OLFM1: variants seen among roughly 807,000 people sequenced by gnomAD.
OLFM1 encodes the protein olfactomedin 1, also known as noelin.
OLFM1 carries 9 observed loss-of-function variants against 49.7 expected under a neutral mutation model. That is an observed-to-expected ratio of 0.18 (90% confidence interval 0.11 to 0.32). OLFM1 has a LOEUF of 0.32. OLFM1 is among the 10% of genes least tolerant of loss of function. The pLI is 1.00. For missense variants in OLFM1, 369 were observed against 661.8 expected, an observed-to-expected ratio of 0.56 and a Z score of 4.85; for synonymous variants, 240 against 271.8, an observed-to-expected ratio of 0.88 and a Z score of 1.15.
chr9:135,082,959 A>G (rs1359307044), upstream of OLFM1, among the ~76,000 whole-genome samples: 1 of 152,180 alleles, frequency 6.6e-6, no homozygotes, highest in Non-Finnish European at 1.5e-5. Flanking sequence ...GGCAGCACCA[A>G]ATCCTTGGCT....
In OLFM1 at chr9:135,095,830, G is replaced by A. The variant is rs375215208; in HGVS notation, c.301-34G>A. ...GAGAAGATTGCCTGGCACCTACTGC[G>A]GCTGTTTTGCTGAACCTGTTGCCCT... On this transcript the variant is annotated intron_variant, in intron 2 of 5. Transcript: ENST00000371793. 250 of 1,608,380 alleles carry A rather than the reference G, an allele frequency of 1.6e-4. 1 individual carries two copies. In the African/African-American group the frequency reaches 2.8e-3, roughly 18 times the overall value.
chr9:135,084,104 T>G (rs1830565577), upstream of OLFM1, among the ~76,000 whole-genome samples: 1 of 152,244 alleles, frequency 6.6e-6, no homozygotes, highest in South Asian at 2.1e-4. The surrounding 1 kb of genome is among the most constrained non-coding windows in gnomAD (Gnocchi z 4.6). Context: ...CATGCTGGTC[T>G]TCTGTGGCTG....
intron 5 of OLFM1, among the ~76,000 whole-genome samples, chr9:135,119,087 A>G (rs1279875909): frequency 1.3e-5 from 2 of 149,348 alleles, no homozygotes; most frequent in Non-Finnish European, 3.0e-5. Flanking sequence ...GGGTCTTTGG[A>G]GTGCTCACCG....
intron 4 of OLFM1, among the ~76,000 whole-genome samples, chr9:135,102,440 A>G (rs1227503777): frequency 1.3e-5 from 2 of 152,170 alleles, no homozygotes; most frequent in South Asian, 4.1e-4. Context: ...GAGGAAATAA[A>G]CCAAAATCTA....
rs767276122 is a variant in OLFM1, at chr9:135,090,182, C to T, written c.151-13C>T. On this transcript the variant is annotated splice_polypyrimidine_tract_variant and intron_variant, in intron 1 of 5. Coordinates refer to ENST00000371793, the MANE Select transcript of OLFM1 (RefSeq NM_001282611.2). ...TCTCCTTCCCTCTCCCTTCCCGCCCCGCCCCTCTCCAGGTGCTGCCCACCA... is the reference window on the plus strand; with the variant it reads ...TCTCCTTCCCTCTCCCTTCCCGCCCTGCCCCTCTCCAGGTGCTGCCCACCA... 5 of 1,600,088 alleles carry T rather than the reference C, an allele frequency of 3.1e-6. No individual in the cohort carries two copies. The African/African-American group carries it at 4.0e-5, about 13-fold the overall frequency.
At chr9:135,083,317 CT>C (rs1156803395), upstream of OLFM1, among the ~76,000 whole-genome samples, 1 of 152,174 alleles carries the variant, frequency 6.6e-6, no homozygotes, top group African/African-American at 2.4e-5. Context: ...CTTGGCCTGG[CT>C]GTGGCCAGGC....
chr9:135,078,519 C>T (rs1352383283), intron 1 of OLFM1, among the ~76,000 whole-genome samples: 1 of 152,208 alleles, frequency 6.6e-6, no homozygotes, highest in African/African-American at 2.4e-5. Flanking sequence ...GCCTACGACA[C>T]GCAAGGCTGT....
In OLFM1 at chr9:135,087,711, G is replaced by A. The variant is rs1814642634; in HGVS notation, c.-279G>A. On this transcript the variant is annotated 5_prime_UTR_variant, in exon 1 of 6. Transcript: ENST00000371793. ...CCGGTGGCGGCGGAGGAGCCCGGAGGGACGCAGCCGGGCAAGGCAGGGCGC... is the reference window on the plus strand; with the variant it reads ...CCGGTGGCGGCGGAGGAGCCCGGAGAGACGCAGCCGGGCAAGGCAGGGCGC... 2 of 387,012 alleles carry A rather than the reference G, an allele frequency of 5.2e-6. No homozygotes were observed. Among genetic ancestry groups the A allele is most frequent in the South Asian group, 1.0e-4 (1 of 9,822 alleles). The allele number at this position is 387,012 out of a possible 1,614,324, so 24.0% of individuals were successfully genotyped here. A position where few individuals can be genotyped will look rare whatever the true frequency, so the allele number is the denominator to read the frequency against.
intron 5 of OLFM1, among the ~76,000 whole-genome samples, chr9:135,111,289 T>C (rs1831018718): frequency 6.6e-6 from 1 of 151,990 alleles, no homozygotes; most frequent in Non-Finnish European, 1.5e-5. Flanking sequence ...CCCTCATGGG[T>C]TGGGGAGGGG....
chr9:135,093,729 G>A (rs1304919020), intron 2 of OLFM1, among the ~76,000 whole-genome samples: 1 of 152,166 alleles, frequency 6.6e-6, no homozygotes, highest in Non-Finnish European at 1.5e-5. Context: ...AAGGTGCTCA[G>A]AGGAAGGGCT....
rs1170085128 is a variant in OLFM1 at position 135,101,998 on chromosome 9, CAG to C, written c.676+3496_676+3497del. Among the ~76,000 whole-genome samples, 3 of 152,368 alleles carry C rather than the reference CAG, an allele frequency of 2.0e-5. No individual in the cohort carries two copies. The East Asian group carries it at 5.8e-4, about 29-fold the overall frequency. On this transcript the variant is annotated intron_variant, in intron 4 of 5. Transcript: ENST00000371793. ...GCCCCCAGACACCCATAAGCACAGA[CAG>C]AGCCTGGGCTTCAGGGTCAGTCGGG... is the stretch of plus-strand genomic sequence containing the variant.
rs760362483 is a variant in OLFM1, at chr9:135,090,351, C to G, written c.300+7C>G. On this transcript the variant is annotated splice_region_variant and intron_variant, in intron 2 of 5. Coordinates refer to ENST00000371793, the MANE Select transcript of OLFM1 (RefSeq NM_001282611.2). ...GAGGCAGCTACTGGAGAAGGTGAGT[C>G]TGCGCAGAGTGTGTGAGTTTGTATG... 1.9e-6 allele frequency: 3 copies of G among 1,610,602 alleles called. No individual in the cohort carries two copies. In the Admixed American group the frequency reaches 5.0e-5, roughly 27 times the overall value.
At chr9:135,087,590 T>A, upstream of OLFM1, 1 of 902,936 alleles carries the variant, frequency 1.1e-6, no homozygotes, top group South Asian at 2.8e-5. Context: ...ACCCATTTCC[T>A]GGGCGGATTG....
Position 135,113,079 on chromosome 9 carries a change from A to C in OLFM1, c.783+6224A>C, listed in dbSNP as rs1173676861. Among the ~76,000 whole-genome samples the C allele has an allele frequency of 6.6e-6, 1 of 152,130 alleles. No individual in the cohort carries two copies. The highest frequency in any genetic ancestry group is 2.4e-5 in the African/African-American group (1 of 41,438). On this transcript the variant is annotated intron_variant, in intron 5 of 5. Transcript: ENST00000371793. This position sits in a 1 kb window ranked among gnomAD's most constrained non-coding sequence, Gnocchi z 4.0. ...TCCAGACCAGCGTGCACGCTTCCTAATGCACAGAGCATGTGGCAGCTGGCA... is the reference window on the plus strand; with the variant it reads ...TCCAGACCAGCGTGCACGCTTCCTACTGCACAGAGCATGTGGCAGCTGGCA...
intron 5 of OLFM1, among the ~76,000 whole-genome samples, chr9:135,109,129 C>T (rs1360975100): frequency 1.3e-5 from 2 of 152,182 alleles, no homozygotes; most frequent in Non-Finnish European, 2.9e-5. Context: ...ACTGCTTTGT[C>T]TGTACCTTAC....
chr9:135,110,745 C>T (rs1831009907), intron 5 of OLFM1, among the ~76,000 whole-genome samples: 1 of 152,190 alleles, frequency 6.6e-6, no homozygotes, highest in Non-Finnish European at 1.5e-5. Context: ...GCAGAAACTG[C>T]CAGCATCCCC....
In OLFM1 at chr9:135,114,654, G is replaced by C. The variant is rs533253310; in HGVS notation, c.784-4850G>C. 2.7e-5 allele frequency among the ~76,000 whole-genome samples: 4 copies of C among 150,280 alleles called. No individual in the cohort carries two copies. In the East Asian group the frequency reaches 6.0e-4, roughly 22 times the overall value. The stretch of plus-strand genomic sequence containing the variant: ...CAGGCACAGAGGCAAGAGTTGGTAG[G>C]TCTGGGACTGAAGGATGTGACTGGG... On this transcript the variant is annotated intron_variant, in intron 5 of 5. Transcript: ENST00000371793.
chr9:135,089,461 G>A (rs545535001), intron 1 of OLFM1, among the ~76,000 whole-genome samples: 1 of 152,326 alleles, frequency 6.6e-6, no homozygotes, highest in East Asian at 1.9e-4. Context: ...GGCAGCTCCG[G>A]TTTCTTTGGT....
upstream of OLFM1, among the ~76,000 whole-genome samples, chr9:135,085,523 G>T (rs1341680595): frequency 6.6e-6 from 1 of 152,262 alleles, no homozygotes; most frequent in Non-Finnish European, 1.5e-5. Context: ...ACTTCAGTAA[G>T]GATTGGGTGC....
Sources: gnomAD v4.1 joint callset for allele counts (sites outside exome capture counted in the v4.1 genomes callset) on GRCh38, gnomAD v4.1.1 for gene constraint, Gnocchi (gnomAD v3.1) non-coding constraint, MANE v1.5 for transcripts, NCBI Gene and HGNC (gene_info 2026-07-23, HGNC 2026-07-21) for gene names.